Variants in SULT1C3 observed in about 807,000 individuals in gnomAD.
SULT1C3 encodes the protein sulfotransferase 1C3.
SULT1C3 carries 31 observed loss-of-function variants against 28.4 expected under a neutral mutation model. The ratio of observed to expected loss-of-function variants is 1.09; its 90% CI spans 0.82 to 1.47. The LOEUF (loss-of-function observed/expected upper bound fraction) is 1.47. SULT1C3 is among the 40% of genes most tolerant of loss of function. SULT1C3 has a pLI of 0.00. For missense variants in SULT1C3, 307 were observed against 272.5 expected (o/e 1.13, Z -0.89); for synonymous variants, 106 against 92.2 (o/e 1.15, Z -0.86).
downstream of SULT1C3, chr2:108,264,812 G>C: frequency 6.3e-7 from 1 of 1,599,222 alleles, no homozygotes; most frequent in South Asian, 1.1e-5. Context: ...TGGTGTGACT[G>C]TTCCACATAC....
chr2:108,246,038 C>T (rs1034161226), intron 1 of SULT1C3, among the ~76,000 whole-genome samples: 1 of 152,162 alleles, frequency 6.6e-6, no homozygotes, highest in African/African-American at 2.4e-5. Context: ...AAAAATGTCA[C>T]CATTCTCTTT....
chr2:108,255,170 C>G (rs1675836721), intron 4 of SULT1C3, among the ~76,000 whole-genome samples: 1 of 152,032 alleles, frequency 6.6e-6, no homozygotes, highest in African/African-American at 2.4e-5. Flanking sequence ...AAATTTCTCT[C>G]AACTCATTGA....
At chr2:108,248,480 G>A (rs1675647357) in intron 2 of SULT1C3, among the ~76,000 whole-genome samples, 1 of 152,130 alleles carries the variant, frequency 6.6e-6, no homozygotes, top group African/African-American at 2.4e-5. Context: ...TCAAGAGCCA[G>A]GTGTAGGAGT....
In SULT1C3 at chr2:108,258,803, A is replaced by G. The variant is rs1422563360; in HGVS notation, c.596A>G (p.Tyr199Cys). The G allele has an allele frequency of 6.2e-7, 1 of 1,612,624 alleles. No homozygotes were observed. The highest frequency in any genetic ancestry group is 1.1e-5 in the South Asian group (1 of 90,928). ...GCAAAAGACATGCACCGGATCCTCT[A>G]CCTCTTCTACGAGGATATTAAAAAA... Reference protein sequence around the residue: ...WAAKDMHRILYLFYEDIKKNP... With the variant: ...WAAKDMHRILCLFYEDIKKNP... Residue 199 changes from tyrosine (Y) to cysteine (C), a missense_variant, in exon 6 of 8, where the codon TAC becomes TGC. Tyr to Cys is a radical substitution (Grantham distance 194, BLOSUM62 -2). Coordinates refer to ENST00000681802, the MANE Select transcript of SULT1C3 (RefSeq NM_001320878.2).
chr2:108,243,692 A>C (rs1675521571), intron 1 of SULT1C3, among the ~76,000 whole-genome samples: 1 of 152,092 alleles, frequency 6.6e-6, no homozygotes, highest in Non-Finnish European at 1.5e-5. Flanking sequence ...AACTAGCCAG[A>C]AGTCTTGAAA....
At chr2:108,255,246 C>G (rs1675839173) in intron 4 of SULT1C3, among the ~76,000 whole-genome samples, 1 of 151,954 alleles carries the variant, frequency 6.6e-6, no homozygotes, top group Non-Finnish European at 1.5e-5. Flanking sequence ...TTGTCACTGG[C>G]TCCATGATTA....
At chr2:108,265,249 A>C (rs1676107837), downstream of SULT1C3, 1 of 1,613,598 alleles carries the variant, frequency 6.2e-7, no homozygotes, top group African/African-American at 1.3e-5. Flanking sequence ...GGATGCCTGG[A>C]GACTGGAAGA....
At chr2:108,256,407 T>A (rs1363896651) in intron 5 of SULT1C3, among the ~76,000 whole-genome samples, 1 of 152,120 alleles carries the variant, frequency 6.6e-6, no homozygotes, top group Non-Finnish European at 1.5e-5. Context: ...GTAAGGACCA[T>A]CTTTACATAT....
downstream of SULT1C3, chr2:108,265,119 C>T: frequency 6.8e-7 from 1 of 1,461,162 alleles, no homozygotes; most frequent in Non-Finnish European, 9.3e-7. Flanking sequence ...AGCAGCACCA[C>T]TGTACAACCT....
intron 5 of SULT1C3, among the ~76,000 whole-genome samples, chr2:108,256,807 A>G (rs1013509857): frequency 3.3e-5 from 5 of 152,142 alleles, no homozygotes; most frequent in African/African-American, 1.2e-4. Flanking sequence ...GAATCAAGAG[A>G]GATAACCTCA....
chr2:108,243,796 T>C (rs1675522858), intron 1 of SULT1C3, among the ~76,000 whole-genome samples: 2 of 152,178 alleles, frequency 1.3e-5, no homozygotes, highest in Admixed American at 6.5e-5. Flanking sequence ...TTGTAAACTC[T>C]ACCCTTGATG....
intron 1 of SULT1C3, among the ~76,000 whole-genome samples, chr2:108,243,603 G>C (rs1053497896): frequency 1.3e-5 from 2 of 150,164 alleles, no homozygotes; most frequent in African/African-American, 4.9e-5. Flanking sequence ...TGCACTCCAG[G>C]CTGGGTGACA....
chr2:108,241,263 T>C (rs1382962617), intron 1 of SULT1C3, among the ~76,000 whole-genome samples: 1 of 152,226 alleles, frequency 6.6e-6, no homozygotes, highest in Non-Finnish European at 1.5e-5. Context: ...TCCAATTGTG[T>C]CCTGTTGACA....
At chr2:108,260,951 TGACA>T (rs1261882543), downstream of SULT1C3, among the ~76,000 whole-genome samples, 4 of 152,176 alleles carry the variant, frequency 2.6e-5, no homozygotes, top group Non-Finnish European at 4.4e-5. Context: ...TTATTGTGCA[TGACA>T]GACAGAGCAA....
chr2:108,258,294 G>A (rs1002708240), intron 5 of SULT1C3, among the ~76,000 whole-genome samples: 1 of 152,072 alleles, frequency 6.6e-6, no homozygotes, highest in African/African-American at 2.4e-5. Context: ...AGCCTCAGCT[G>A]GAAATAGAAG....
chr2:108,243,343 T>C (rs1675506203), intron 1 of SULT1C3, among the ~76,000 whole-genome samples: 1 of 152,112 alleles, frequency 6.6e-6, no homozygotes, highest in Non-Finnish European at 1.5e-5. Flanking sequence ...TTAAGATATG[T>C]TTCCAGGGCC....
chr2:108,245,096 G>A (rs1558661190), intron 1 of SULT1C3, among the ~76,000 whole-genome samples: 1 of 152,144 alleles, frequency 6.6e-6, no homozygotes, highest in Non-Finnish European at 1.5e-5. Flanking sequence ...GAAGAAAACA[G>A]TAGAGGGCAT....
chr2:108,260,441 A>G (rs11687745), intron 7 of SULT1C3, 127 bp from the exon 8 acceptor site: 223,366 of 333,810 alleles, frequency 0.67, 75,488 homozygotes, highest in East Asian at 0.82. Flanking sequence ...GAAAGACCAG[A>G]GGGAGTGGGA....
At chr2:108,250,246 G>A (rs1009505532) in intron 2 of SULT1C3, among the ~76,000 whole-genome samples, 1 of 151,548 alleles carries the variant, frequency 6.6e-6, no homozygotes, top group African/African-American at 2.4e-5. Flanking sequence ...AAAAAAAAAT[G>A]TATTAAAGTG....
Sources: allele counts gnomAD v4.1 joint callset (sites outside exome capture counted in the v4.1 genomes callset), GRCh38; gene constraint gnomAD v4.1.1; transcripts MANE v1.5; gene names NCBI Gene and HGNC (gene_info 2026-07-23, HGNC 2026-07-21).